Variants in CTNND2 observed in about 807,000 individuals in gnomAD.
CTNND2 encodes catenin delta-2.
Under a neutral mutation model 144.4 loss-of-function variants are expected in CTNND2, and 22 were observed. The observed-to-expected ratio is 0.15, with a 90% CI of 0.11 to 0.22. CTNND2 has a LOEUF of 0.22. Among genes scored for constraint, CTNND2 ranks in the 10% least tolerant of loss-of-function variants. The probability of loss-of-function intolerance (pLI) is 1.00; values close to 1 mark genes in which losing one functional copy is unlikely to be tolerated. For synonymous variants in CTNND2, 751 were observed against 695.6 expected, an observed-to-expected ratio of 1.08 and a Z score of -1.25; for missense variants, 1,353 against 1,618.8, an observed-to-expected ratio of 0.84 and a Z score of 2.82.
chr5:11,841,326 C>T (rs1581985226), intron 1 of CTNND2, among the ~76,000 whole-genome samples: 3 of 148,090 alleles, frequency 2.0e-5, no homozygotes, highest in South Asian at 4.2e-4. Flanking sequence ...ACCAAAAACA[C>T]AAACAAAAAA....
At chr5:11,345,401 A>G (rs1005540991) in intron 9 of CTNND2, among the ~76,000 whole-genome samples, 11 of 152,218 alleles carry the variant, frequency 7.2e-5, no homozygotes, top group Non-Finnish European at 1.5e-4. Flanking sequence ...GAATTGTGCT[A>G]AAGTAGCTAT....
chr5:11,539,351 G>A (rs1203473985), intron 3 of CTNND2, among the ~76,000 whole-genome samples: 1 of 152,122 alleles, frequency 6.6e-6, no homozygotes, highest in Non-Finnish European at 1.5e-5. Context: ...AAGGCCCAGG[G>A]CCCAGCCCAT....
intron 12 of CTNND2, among the ~76,000 whole-genome samples, chr5:11,128,932 TATATATATTATATATAATATATAA>T (rs1755068539): frequency 2.9e-4 from 9 of 30,916 alleles, no homozygotes; most frequent in South Asian, 7.2e-4. Context: ...AATACATAAA[TATATATATTATATATAATATATAA>T]ATATATATAA....
chr5:11,456,496 G>A (rs1581236176), intron 3 of CTNND2, among the ~76,000 whole-genome samples: 1 of 152,206 alleles, frequency 6.6e-6, no homozygotes, highest in Non-Finnish European at 1.5e-5. Flanking sequence ...ACTACGTCAC[G>A]TGAGTTGAGG....
chr5:11,134,634 G>A (rs754265496), intron 12 of CTNND2, among the ~76,000 whole-genome samples: 1 of 152,208 alleles, frequency 6.6e-6, no homozygotes, highest in Non-Finnish European at 1.5e-5. Context: ...TTCTTCAGAT[G>A]GGGGCATTTC....
At chr5:11,591,612 CTA>C (rs1441159456) in intron 2 of CTNND2, among the ~76,000 whole-genome samples, 1 of 151,898 alleles carries the variant, frequency 6.6e-6, no homozygotes, top group African/African-American at 2.4e-5. Context: ...CTCCTGTGTC[CTA>C]TGATTTCTTC....
At chr5:11,734,772 T>G (rs1343796751) in intron 1 of CTNND2, among the ~76,000 whole-genome samples, 1 of 152,194 alleles carries the variant, frequency 6.6e-6, no homozygotes, top group Admixed American at 6.6e-5. Context: ...GTTAATAATT[T>G]AGAGATATTC....
At chr5:11,767,850 CATT>C (rs1433154030) in intron 1 of CTNND2, among the ~76,000 whole-genome samples, 1 of 152,098 alleles carries the variant, frequency 6.6e-6, no homozygotes, top group Non-Finnish European at 1.5e-5. Flanking sequence ...GACCATTGTA[CATT>C]ATTTGGATAA....
intron 18 of CTNND2, among the ~76,000 whole-genome samples, chr5:11,001,542 T>C (rs1322395185): frequency 5.9e-5 from 9 of 152,170 alleles, no homozygotes; most frequent in African/African-American, 1.9e-4. Context: ...TTAATTATTG[T>C]AAAATGAAAT....
At chr5:11,750,137 G>A (rs2126783656) in intron 1 of CTNND2, among the ~76,000 whole-genome samples, 1 of 152,048 alleles carries the variant, frequency 6.6e-6, no homozygotes, top group South Asian at 2.1e-4. Context: ...ATTTTACCTT[G>A]ATAGATACTA....
At chr5:11,262,622 C>T (rs955396833) in intron 9 of CTNND2, among the ~76,000 whole-genome samples, 26 of 151,290 alleles carry the variant, frequency 1.7e-4, no homozygotes, top group Admixed American at 1.1e-3. Context: ...ATTAGCTGGG[C>T]GTGGTGGCGG....
At position 11,332,996 on chromosome 5, in the gene CTNND2, T is replaced by A. The variant is rs548726023; in HGVS notation, c.1628+13376A>T. On this transcript the variant is annotated intron_variant, in intron 9 of 21. Transcript: ENST00000304623. ...CCCCAGCCACGTGGAACTGAGTCCATTAAACTTGTTTGTCTTTATAAATCA... is the reference window on the plus strand; with the variant it reads ...CCCCAGCCACGTGGAACTGAGTCCAATAAACTTGTTTGTCTTTATAAATCA... Among the ~76,000 whole-genome samples the A allele has an allele frequency of 1.2e-4, 18 of 152,332 alleles. No homozygotes were observed. The South Asian group carries it at 3.7e-3, about 32-fold the overall frequency.
chr5:11,884,149 T>G (rs1736340414), intron 1 of CTNND2, among the ~76,000 whole-genome samples: 1 of 152,204 alleles, frequency 6.6e-6, no homozygotes, highest in South Asian at 2.1e-4. Flanking sequence ...TGATGATCGT[T>G]TCTTTTGTTG....
intron 10 of CTNND2, among the ~76,000 whole-genome samples, chr5:11,227,009 G>A (rs1740429495): frequency 6.6e-6 from 1 of 152,168 alleles, no homozygotes. Flanking sequence ...TTCCTAAAGG[G>A]CAGTAGTTGA....
intron 2 of CTNND2, among the ~76,000 whole-genome samples, chr5:11,573,752 A>G (rs1010694195): frequency 1.3e-5 from 2 of 152,144 alleles, no homozygotes; most frequent in African/African-American, 4.8e-5. Flanking sequence ...TTGGAAATGG[A>G]ATCATAAGCA....
intron 2 of CTNND2, among the ~76,000 whole-genome samples, chr5:11,694,252 G>A (rs1335072466): frequency 1.3e-4 from 20 of 151,932 alleles, no homozygotes; most frequent in Non-Finnish European, 2.6e-4. Context: ...TGGCTAACAC[G>A]GTGAAACCCC....
chr5:11,815,239 C>A (rs1792560280), intron 1 of CTNND2, among the ~76,000 whole-genome samples: 1 of 152,024 alleles, frequency 6.6e-6, no homozygotes, highest in Admixed American at 6.5e-5. Flanking sequence ...TTAGAAGTTT[C>A]TGTACCAATG....
intron 2 of CTNND2, among the ~76,000 whole-genome samples, chr5:11,583,594 G>T (rs1216374966): frequency 1.3e-5 from 2 of 152,030 alleles, no homozygotes; most frequent in African/African-American, 2.4e-5. Flanking sequence ...TAACATGTAG[G>T]GCCCTTGTGA....
intron 3 of CTNND2, among the ~76,000 whole-genome samples, chr5:11,497,925 A>G (rs543863639): frequency 3.3e-5 from 5 of 152,216 alleles, no homozygotes; most frequent in African/African-American, 1.2e-4. Context: ...ATGTGACATG[A>G]GGCATCAGAT....
Sources: gnomAD v4.1 joint callset for allele counts (sites outside exome capture counted in the v4.1 genomes callset) on GRCh38, gnomAD v4.1.1 for gene constraint, MANE v1.5 for transcripts, NCBI Gene and HGNC (gene_info 2026-07-23, HGNC 2026-07-21) for gene names.